GLIS3: variants seen among roughly 807,000 people sequenced by gnomAD.
The protein encoded by GLIS3 is zinc finger protein GLIS3.
Under a neutral mutation model 78.6 loss-of-function variants are expected in GLIS3, and 53 were observed. The observed-to-expected ratio is 0.67, with a 90% CI of 0.54 to 0.85. The LOEUF (loss-of-function observed/expected upper bound fraction) is 0.85, where lower values mean the gene tolerates loss of function less well. GLIS3 is among the 40% of genes least tolerant of loss of function. The probability of loss-of-function intolerance (pLI) is 0.00; values close to 1 mark genes in which losing one functional copy is unlikely to be tolerated. For missense variants in GLIS3, 1,703 were observed against 1,231.1 expected, an observed-to-expected ratio of 1.38 and a Z score of -5.74; for synonymous variants, 684 against 509.9, an observed-to-expected ratio of 1.34 and a Z score of -4.60.
chr9:4,019,045 A>G (rs1347718952), intron 4 of GLIS3, among the ~76,000 whole-genome samples: 1 of 152,234 alleles, frequency 6.6e-6, no homozygotes, highest in African/African-American at 2.4e-5. Flanking sequence ...ACGTGAGTCA[A>G]GCACCTGGCA....
At chr9:4,059,829 T>TGTGTGTGTGAGAGAGAGAGAGAGAGA in intron 4 of GLIS3, among the ~76,000 whole-genome samples, 11 of 100,710 alleles carry the variant, frequency 1.1e-4, no homozygotes, top group East Asian at 3.3e-4. Context: ...TGTGTGTGTG[T>TGTGTGTGTGAGAGAGAGAGAGAGAGA]GAGAGAGAGA....
At chr9:4,127,722 G>C (rs79027964) in intron 2 of GLIS3, among the ~76,000 whole-genome samples, 2,400 of 152,056 alleles carry the variant, frequency 0.016, 68 homozygotes, top group African/African-American at 0.055. Flanking sequence ...TCTTTCCCCA[G>C]GTCCCATTGC....
chr9:4,075,524 C>T (rs772080172), intron 4 of GLIS3, among the ~76,000 whole-genome samples: 21 of 151,970 alleles, frequency 1.4e-4, no homozygotes, highest in Admixed American at 1.3e-4. Flanking sequence ...GGCTGTGAGC[C>T]GAGATCGTGC....
At chr9:4,196,583 C>A (rs921221590) in intron 2 of GLIS3, among the ~76,000 whole-genome samples, 7 of 152,120 alleles carry the variant, frequency 4.6e-5, no homozygotes, top group Non-Finnish European at 8.8e-5. Flanking sequence ...AGACGCGCTG[C>A]CTTAAGAGCT....
intron 8 of GLIS3, among the ~76,000 whole-genome samples, chr9:3,868,414 A>G (rs1370228534): frequency 6.7e-6 from 1 of 149,006 alleles, no homozygotes; most frequent in Non-Finnish European, 1.5e-5. Flanking sequence ...CTGGTAGTTC[A>G]TGACTACATA....
At chr9:3,864,809 T>C (rs1430463546) in intron 8 of GLIS3, among the ~76,000 whole-genome samples, 3 of 152,174 alleles carry the variant, frequency 2.0e-5, no homozygotes, top group Admixed American at 6.5e-5. Flanking sequence ...TTGGCTCTTA[T>C]AGATGGAAAG....
intron 8 of GLIS3, among the ~76,000 whole-genome samples, chr9:3,868,962 T>C (rs1401002882): frequency 2.0e-5 from 3 of 152,214 alleles, no homozygotes; most frequent in Non-Finnish European, 4.4e-5. Context: ...TCTGTATGCA[T>C]CCACAGGCCC....
chr9:4,363,024 T>C, the GLIS3 span, among the ~76,000 whole-genome samples: 2 of 152,114 alleles, frequency 1.3e-5, no homozygotes, highest in African/African-American at 4.8e-5. Flanking sequence ...AAGTGAACAC[T>C]GGTCCATTAT....
At chr9:3,854,960 C>T (rs1277779110) in intron 9 of GLIS3, among the ~76,000 whole-genome samples, 1 of 152,282 alleles carries the variant, frequency 6.6e-6, no homozygotes, top group South Asian at 2.1e-4. Flanking sequence ...GGGAACATCA[C>T]CCATTAATTT....
rs147922101 is a variant in GLIS3 at position 3,852,420 on chromosome 9, C to T, written c.2473+3589G>A. Among the ~76,000 whole-genome samples, 16 of 152,248 alleles carry T rather than the reference C, an allele frequency of 1.1e-4. No individual in the cohort carries two copies. The East Asian group carries it at 1.7e-3, about 17-fold the overall frequency. ...TATTGCATTAGCAACCCTGACACTG[C>T]TTTGGGCTTTAAAAATCAAGTTTTA... On this transcript the variant is annotated intron_variant, in intron 9 of 10. Transcript: ENST00000381971.
chr9:4,132,796 C>G (rs963153018), intron 2 of GLIS3, among the ~76,000 whole-genome samples: 2 of 152,154 alleles, frequency 1.3e-5, no homozygotes, highest in African/African-American at 4.8e-5. Flanking sequence ...TATGGTTCAA[C>G]CTAACACACA....
At chr9:4,397,321 T>A in the GLIS3 span, among the ~76,000 whole-genome samples, 2 of 151,226 alleles carry the variant, frequency 1.3e-5, no homozygotes, top group Admixed American at 6.6e-5. Context: ...CACCACACCC[T>A]GCCGTCAATC....
chr9:4,297,611 G>A (rs1045353180), intron 1 of GLIS3, among the ~76,000 whole-genome samples: 10 of 152,168 alleles, frequency 6.6e-5, no homozygotes, highest in Admixed American at 6.5e-5. Context: ...TTTGTGAAAC[G>A]GGGCCGCGAC....
At chr9:3,997,448 A>C (rs899990145) in intron 4 of GLIS3, among the ~76,000 whole-genome samples, 1 of 152,140 alleles carries the variant, frequency 6.6e-6, no homozygotes. Flanking sequence ...TTTACATAAA[A>C]TCTATCAGAA....
chr9:4,252,441 T>C (rs1824490228), intron 2 of GLIS3, among the ~76,000 whole-genome samples: 2 of 152,098 alleles, frequency 1.3e-5, no homozygotes, highest in South Asian at 4.1e-4. Context: ...CCTTGTGCTG[T>C]TTTTCAGTTC....
In GLIS3 at chr9:4,284,169, T is replaced by C. The variant is rs567058711; in HGVS notation, c.388+1869A>G. 8.5e-5 allele frequency among the ~76,000 whole-genome samples: 13 copies of C among 152,354 alleles called. No homozygotes were observed. In the East Asian group the frequency reaches 2.5e-3, roughly 29 times the overall value. On this transcript the variant is annotated intron_variant, in intron 2 of 10. Coordinates refer to ENST00000381971, the MANE Select transcript of GLIS3 (RefSeq NM_001042413.2). ...GAAGTTACTTACTCTTTCTAGACCT[T>C]AGTTCCCTTATCAGTTAAATAACCA...
At chr9:4,036,297 C>G (rs1824301113) in intron 4 of GLIS3, among the ~76,000 whole-genome samples, 1 of 151,972 alleles carries the variant, frequency 6.6e-6, no homozygotes, top group African/African-American at 2.4e-5. Context: ...CAGGCCTTGC[C>G]CTACTCTAAT....
intron 8 of GLIS3, among the ~76,000 whole-genome samples, chr9:3,875,405 T>C (rs1421265583): frequency 6.6e-6 from 1 of 152,050 alleles, no homozygotes; most frequent in Non-Finnish European, 1.5e-5. Flanking sequence ...TGGTGGACCT[T>C]TCCTGACTTC....
chr9:4,124,615 A>G (rs1370138895), intron 3 of GLIS3, among the ~76,000 whole-genome samples: 2 of 152,230 alleles, frequency 1.3e-5, no homozygotes, highest in African/African-American at 4.8e-5. Flanking sequence ...GTGAAAAACA[A>G]GTTTCTATCT....
Sources: allele counts gnomAD v4.1 joint callset (sites outside exome capture counted in the v4.1 genomes callset), GRCh38; gene constraint gnomAD v4.1.1; transcripts MANE v1.5; gene names NCBI Gene and HGNC (gene_info 2026-07-23, HGNC 2026-07-21).